IFT52: variants seen among roughly 807,000 people sequenced by gnomAD.
IFT52 encodes the protein intraflagellar transport 52.
In IFT52, 44 loss-of-function variants were observed where a neutral mutation model predicts 54.4. The ratio of observed to expected loss-of-function variants is 0.81; its 90% confidence interval spans 0.63 to 1.04. The LOEUF (loss-of-function observed/expected upper bound fraction) is 1.04. IFT52 is among the 50% of genes least tolerant of loss of function. IFT52 has a pLI of 0.00. For missense variants in IFT52, 452 were observed against 523.6 expected (o/e 0.86, Z 1.33); for synonymous variants, 181 against 185.3 (o/e 0.98, Z 0.19).
At position 43,639,514 on chromosome 20, in the gene IFT52, T is replaced by C. The variant is rs1263141055; in HGVS notation, c.1120+2261T>C. 3.3e-5 allele frequency among the ~76,000 whole-genome samples: 5 copies of C among 152,034 alleles called. No homozygotes were observed. In the East Asian group the frequency reaches 7.7e-4, roughly 23 times the overall value. On this transcript the variant is annotated intron_variant, in intron 12 of 13. Coordinates refer to ENST00000373030, the MANE Select transcript of IFT52 (RefSeq NM_016004.5). ...GGAGAAACCCCTTCTCTACTAAAAATACAAAATTAGCTGGGTGTGGTGGCG... is the reference window on the plus strand; with the variant it reads ...GGAGAAACCCCTTCTCTACTAAAAACACAAAATTAGCTGGGTGTGGTGGCG...
Position 43,594,957 on chromosome 20 carries a change from G to A in IFT52, c.119+140G>A, listed in dbSNP as rs189800326. 8.7e-5 allele frequency: 55 copies of A among 634,722 alleles called. No homozygotes were observed. The African/African-American group carries it at 9.3e-4, about 11-fold the overall frequency. 39.3% of individuals were successfully genotyped at this position (634,722 alleles called of 1,614,324 possible). On this transcript the variant is annotated intron_variant, in intron 2 of 13. Coordinates refer to ENST00000373030, the MANE Select transcript of IFT52 (RefSeq NM_016004.5). ...TAAAGATTATTCAGAATTAGGTCTG[G>A]CGTGGTGGCTCACACCTGTAATCCC...
chr20:43,622,675 T>C (rs780752879), intron 9 of IFT52, among the ~76,000 whole-genome samples: 3 of 147,594 alleles, frequency 2.0e-5, no homozygotes, highest in Non-Finnish European at 3.0e-5. Context: ...TAAATATAAA[T>C]ATATACATAT....
At chr20:43,597,218 A>G (rs1171739863) in intron 3 of IFT52, among the ~76,000 whole-genome samples, 1 of 151,744 alleles carries the variant, frequency 6.6e-6, no homozygotes, top group Non-Finnish European at 1.5e-5. Flanking sequence ...CTAAAAATAC[A>G]AAATTAGCCA....
At chr20:43,632,557 G>C (rs192026658) in intron 10 of IFT52, among the ~76,000 whole-genome samples, 56 of 152,148 alleles carry the variant, frequency 3.7e-4, no homozygotes, top group Middle Eastern at 3.4e-3. Flanking sequence ...CCCTGCACTC[G>C]GCCAGTTCCT....
In IFT52 at chr20:43,620,839, C is replaced by CTT. The variant is rs567507538; in HGVS notation, c.700-9_700-8dup. On this transcript the variant is annotated splice_polypyrimidine_tract_variant and intron_variant, in intron 8 of 13. Coordinates refer to ENST00000373030, the MANE Select transcript of IFT52 (RefSeq NM_016004.5). ...AATAACCAACTGTCCTAATTATATA[C>CTT]TTTTTTTTTTAATTTAGGATGTTGT... 9,572 of 1,249,284 alleles carry CTT rather than the reference C, an allele frequency of 7.7e-3. 3 individuals are homozygous for CTT. Among genetic ancestry groups the CTT allele is most frequent in the South Asian group, 0.022 (1,511 of 68,808 alleles). 77.4% of individuals were successfully genotyped at this position (1,249,284 alleles called of 1,614,324 possible). A position where few individuals can be genotyped will look rare whatever the true frequency, so the allele number is the denominator to read the frequency against.
intron 10 of IFT52, among the ~76,000 whole-genome samples, chr20:43,631,333 C>T (rs1011847062): frequency 1.3e-5 from 2 of 152,140 alleles, no homozygotes; most frequent in Admixed American, 6.6e-5. Flanking sequence ...TTTCTCTTCC[C>T]TCTGTGGAGA....
At chr20:43,620,751 A>T in intron 8 of IFT52, 106 bp from the exon 9 acceptor site, 1 of 803,630 alleles carries the variant, frequency 1.2e-6, no homozygotes, top group Non-Finnish European at 2.0e-6. Context: ...TCACTGGTTT[A>T]ATCTTTCTTC....
chr20:43,640,973 G>A (rs1304926186), intron 12 of IFT52, among the ~76,000 whole-genome samples: 1 of 144,186 alleles, frequency 6.9e-6, no homozygotes, highest in Non-Finnish European at 1.5e-5. Context: ...AGAAGTTGCA[G>A]TGAGCTGAAA....
intron 13 of IFT52, among the ~76,000 whole-genome samples, chr20:43,644,616 C>T (rs1324155482): frequency 1.8e-5 from 1 of 55,648 alleles, no homozygotes; most frequent in African/African-American, 5.2e-5. Context: ...CTCCTCTCTA[C>T]TAAAAATACA....
At chr20:43,605,407 C>T (rs575571065) in intron 6 of IFT52, among the ~76,000 whole-genome samples, 2 of 152,260 alleles carry the variant, frequency 1.3e-5, no homozygotes, top group East Asian at 1.9e-4. Flanking sequence ...ATTAGCCAGG[C>T]GTGGTGGTGT....
chr20:43,638,357 A>C (rs1985689188), intron 12 of IFT52, among the ~76,000 whole-genome samples: 1 of 151,976 alleles, frequency 6.6e-6, no homozygotes, highest in African/African-American at 2.4e-5. Flanking sequence ...CGCATGGCTA[A>C]TTTTTGTGTT....
intron 13 of IFT52, 118 bp downstream of exon 13, chr20:43,642,742 T>A: frequency 1.1e-6 from 1 of 947,752 alleles, no homozygotes; most frequent in Non-Finnish European, 1.6e-6. Context: ...ATTAAGCATC[T>A]ACTAGGTGAA....
chr20:43,601,419 A>G (rs570191761), intron 3 of IFT52, among the ~76,000 whole-genome samples: 1 of 152,330 alleles, frequency 6.6e-6, no homozygotes, highest in East Asian at 1.9e-4. Context: ...AGTTTGTACC[A>G]AATATCCATT....
chr20:43,623,972 C>G lies in IFT52; in HGVS notation c.850C>G (p.Pro284Ala). ...RECLQESDEI[P>A]RDFTTLFDLS... ...GTGTCTCCAGGAGAGTGATGAGATCCCAAGGGACTTTACCACCCTCTTCGA... is the reference window on the plus strand; with the variant it reads ...GTGTCTCCAGGAGAGTGATGAGATCGCAAGGGACTTTACCACCCTCTTCGA... The change falls in exon 10 of 14, where the codon CCA (proline) becomes GCA (alanine). Residue 284 changes from proline (P) to alanine (A), a missense_variant. By Grantham distance (27) the Pro-to-Ala change is conservative. Coordinates refer to ENST00000373030, the MANE Select transcript of IFT52 (RefSeq NM_016004.5). The G allele has an allele frequency of 1.2e-6, 2 of 1,614,074 alleles. No homozygotes were observed. The highest frequency in any genetic ancestry group is 1.7e-6 in the Non-Finnish European group (2 of 1,180,008).
chr20:43,603,074 T>G (rs548392702), intron 3 of IFT52, among the ~76,000 whole-genome samples: 1 of 152,290 alleles, frequency 6.6e-6, no homozygotes, highest in East Asian at 1.9e-4. Flanking sequence ...CTGGAGTGCT[T>G]GATGAAGAAA....
At chr20:43,603,476 A>T (rs879584024) in intron 3 of IFT52, among the ~76,000 whole-genome samples, 1 of 152,180 alleles carries the variant, frequency 6.6e-6, no homozygotes, top group Non-Finnish European at 1.5e-5. Context: ...GTGCTGCTGA[A>T]TGGAGAACTG....
intron 12 of IFT52, among the ~76,000 whole-genome samples, chr20:43,639,701 C>G (rs422234): frequency 6.6e-6 from 1 of 151,850 alleles, no homozygotes; most frequent in South Asian, 2.1e-4. Flanking sequence ...TAGCCAGGTG[C>G]GGTGACGCAT....
chr20:43,637,500 C>T (rs1019416149), intron 12 of IFT52, among the ~76,000 whole-genome samples: 3 of 152,098 alleles, frequency 2.0e-5, no homozygotes, highest in Non-Finnish European at 4.4e-5. Flanking sequence ...TGACCTCAGG[C>T]GATCAGCCCG....
chr20:43,591,740 A>T (rs913233549), intron 1 of IFT52, among the ~76,000 whole-genome samples: 96 of 152,334 alleles, frequency 6.3e-4, no homozygotes, highest in African/African-American at 2.2e-3. Flanking sequence ...AGGTATAGCA[A>T]TTAAACTAGC....
Sources: gnomAD v4.1 joint callset for allele counts (sites outside exome capture counted in the v4.1 genomes callset) on GRCh38, gnomAD v4.1.1 for gene constraint, MANE v1.5 for transcripts, NCBI Gene and HGNC (gene_info 2026-07-23, HGNC 2026-07-21) for gene names.